The following GATAD2B variants were observed in gnomAD, a reference collection of about 807,000 sequenced individuals.
GATAD2B encodes the protein transcriptional repressor p66-beta.
In GATAD2B, 8 loss-of-function variants were observed where a neutral mutation model predicts 64.3. The ratio of observed to expected loss-of-function variants is 0.12; its 90% CI spans 0.07 to 0.22. The LOEUF (loss-of-function observed/expected upper bound fraction) is 0.22. Among genes scored for constraint, GATAD2B ranks in the 10% least tolerant of loss-of-function variants. The pLI, the probability that GATAD2B is intolerant of heterozygous loss-of-function variation, is 1.00. For synonymous variants in GATAD2B, 281 were observed against 271.3 expected (o/e 1.04, Z -0.35); for missense variants, 453 against 752.0 (o/e 0.60, Z 4.65).
At chr1:153,889,928 C>T (rs570237863) in intron 1 of GATAD2B, among the ~76,000 whole-genome samples, 2 of 152,074 alleles carry the variant, frequency 1.3e-5, no homozygotes, top group South Asian at 4.2e-4. Context: ...AATCTCAGCA[C>T]TTTGGGAGGC....
intron 1 of GATAD2B, among the ~76,000 whole-genome samples, chr1:153,881,033 C>T (rs570962304): frequency 6.6e-6 from 1 of 152,042 alleles, no homozygotes; most frequent in African/African-American, 2.4e-5. Flanking sequence ...AAGCCTCCCC[C>T]CTCCCTCTCC....
At chr1:153,877,013 C>T (rs1028662947) in intron 1 of GATAD2B, among the ~76,000 whole-genome samples, 1 of 151,628 alleles carries the variant, frequency 6.6e-6, no homozygotes, top group Non-Finnish European at 1.5e-5. Context: ...GAGACTCCGC[C>T]TCAAAAAAGA....
chr1:153,861,253 T>A (rs1018075246), intron 1 of GATAD2B, among the ~76,000 whole-genome samples: 1 of 151,892 alleles, frequency 6.6e-6, no homozygotes, highest in Non-Finnish European at 1.5e-5. Flanking sequence ...CAAGAACTTG[T>A]CAGAAAAGTA....
At chr1:153,812,179 T>A in intron 8 of GATAD2B, 47 bp from the exon 9 acceptor site, 6 of 937,906 alleles carry the variant, frequency 6.4e-6, no homozygotes, top group Non-Finnish European at 4.9e-6. Flanking sequence ...CAGCACCCAA[T>A]ACCCAATTTC....
intron 1 of GATAD2B, among the ~76,000 whole-genome samples, chr1:153,892,198 C>T (rs968768237): frequency 7.0e-6 from 1 of 143,116 alleles, no homozygotes; most frequent in Non-Finnish European, 1.5e-5. Flanking sequence ...AAAGACAAGA[C>T]AATTAGGGAC....
At chr1:153,915,383 A>G (rs1186578740) in intron 1 of GATAD2B, among the ~76,000 whole-genome samples, 1 of 152,182 alleles carries the variant, frequency 6.6e-6, no homozygotes, top group African/African-American at 2.4e-5. Flanking sequence ...AGACTGCACC[A>G]TTGCACTCCA....
chr1:153,820,515 T>C lies in GATAD2B; in HGVS notation c.336-780A>G, dbSNP rs528213206. Among the ~76,000 whole-genome samples the C allele has an allele frequency of 2.0e-5, 3 of 152,370 alleles. No individual in the cohort carries two copies. The South Asian group carries it at 6.2e-4, about 32-fold the overall frequency. ...TAACTGCCTCAGGTTCCCAAATCCG[T>C]GACTGTATCTTCTAATTCTCCTCTA... On this transcript the variant is annotated intron_variant, in intron 2 of 10. Coordinates refer to ENST00000368655, the MANE Select transcript of GATAD2B (RefSeq NM_020699.4).
chr1:153,904,533 A>G (rs542826028), intron 1 of GATAD2B, among the ~76,000 whole-genome samples: 8 of 152,230 alleles, frequency 5.3e-5, no homozygotes, highest in Non-Finnish European at 8.8e-5. Flanking sequence ...ATGGAGCAAC[A>G]TAATTTTTCT....
At chr1:153,922,389 A>C (rs1482340380) in intron 1 of GATAD2B, among the ~76,000 whole-genome samples, 2 of 146,072 alleles carry the variant, frequency 1.4e-5, no homozygotes, top group Non-Finnish European at 3.0e-5. Context: ...ACGGGGCGTG[A>C]GGGAGGGGAG....
chr1:153,816,366 G>A lies in GATAD2B; in HGVS notation c.1123C>T (p.Pro375Ser). The A allele has an allele frequency of 6.2e-7, 1 of 1,613,714 alleles. No individual in the cohort carries two copies. The change falls in exon 7 of 11, where the codon CCC (proline) becomes TCC (serine). Residue 375 changes from proline (P) to serine (S), a missense_variant. Physicochemically the swap from Pro to Ser is moderately conservative, Grantham distance 74 (BLOSUM62 -1). Coordinates refer to ENST00000368655, the MANE Select transcript of GATAD2B (RefSeq NM_020699.4). The surrounding 1 kb of genome is among the most constrained non-coding windows in gnomAD (Gnocchi z 4.9). ...LEIPPPKPPA[P>S]LLHFLPSAAN... ...GCACTAGGCAAGAAATGAAGTAAGG[G>A]AGCAGGAGGTTTAGGGGGTGGGATC...
At position 153,828,113 on chromosome 1, in the gene GATAD2B, G is replaced by T. The variant is rs552394199; in HGVS notation, c.235C>A (p.Leu79Ile). The T allele has an allele frequency of 6.2e-7, 1 of 1,614,118 alleles. No homozygotes were observed. Among genetic ancestry groups the T allele is most frequent in the South Asian group, 1.1e-5 (1 of 91,082 alleles). ...GSGVKGYEEK[L>I]NGNLRPHGDN... ...CCATGAGGCCTGAGATTCCCGTTAA[G>T]TTTTTCTTCATAGCCCTTGACACCA... Residue 79 changes from leucine (L) to isoleucine (I), a missense_variant, in exon 2 of 11, where the codon CTT becomes ATT. Leu to Ile is a conservative substitution (Grantham distance 5, BLOSUM62 2). Around this residue, in one of 2 missense-constraint regions of GATAD2B, gnomAD observed 293 missense variants for 417.2 expected, o/e 0.70. Coordinates refer to ENST00000368655, the MANE Select transcript of GATAD2B (RefSeq NM_020699.4).
At chr1:153,897,429 C>T (rs1287631148) in intron 1 of GATAD2B, among the ~76,000 whole-genome samples, 1 of 152,132 alleles carries the variant, frequency 6.6e-6, no homozygotes, top group African/African-American at 2.4e-5. Context: ...ACGATGAGAA[C>T]AGAATGATCT....
chr1:153,816,409 C>T lies in GATAD2B; in HGVS notation c.1080G>A (p.Leu360=). The part of the protein sequence containing the change: ...AAAKLALRKQ[L]EKTLLEIPPP... Reference sequence around the variant, plus strand: ...GTGGGATCTCCAGGAGTGTCTTTTCCAGCTGTTTGCGAAGAGCCAATTTGG... The same window carrying T: ...GTGGGATCTCCAGGAGTGTCTTTTCTAGCTGTTTGCGAAGAGCCAATTTGG... Residue 360 remains leucine (L), a synonymous_variant, in exon 7 of 11, where the codon CTG becomes CTA. Coordinates refer to ENST00000368655, the MANE Select transcript of GATAD2B (RefSeq NM_020699.4). This position sits in a 1 kb window ranked among gnomAD's most constrained non-coding sequence, Gnocchi z 4.9. 2 of 1,614,174 alleles carry T rather than the reference C, an allele frequency of 1.2e-6. No individual in the cohort carries two copies. Among genetic ancestry groups the T allele is most frequent in the Non-Finnish European group, 1.7e-6 (2 of 1,179,992 alleles).
intron 1 of GATAD2B, among the ~76,000 whole-genome samples, chr1:153,867,594 G>A (rs537967592): frequency 2.0e-4 from 31 of 151,726 alleles, no homozygotes; most frequent in African/African-American, 7.0e-4. Flanking sequence ...GGTGGCTCAC[G>A]TGAGCCTGTA....
intron 1 of GATAD2B, among the ~76,000 whole-genome samples, chr1:153,914,388 G>C (rs959659427): frequency 6.6e-6 from 1 of 152,136 alleles, no homozygotes; most frequent in African/African-American, 2.4e-5. Flanking sequence ...AGATAAAGCA[G>C]TTACTGATTC....
chr1:153,896,036 G>A (rs189531607), intron 1 of GATAD2B, among the ~76,000 whole-genome samples: 2 of 150,766 alleles, frequency 1.3e-5, no homozygotes, highest in Admixed American at 1.3e-4. Flanking sequence ...TGTGGCATGC[G>A]CCTGTAGTCC....
At chr1:153,869,433 TA>T (rs1676589525) in intron 1 of GATAD2B, among the ~76,000 whole-genome samples, 1 of 152,234 alleles carries the variant, frequency 6.6e-6, no homozygotes, top group African/African-American at 2.4e-5. Context: ...TATAGCAGCA[TA>T]AACTTATGGA....
At chr1:153,842,901 C>T (rs373666037) in intron 1 of GATAD2B, among the ~76,000 whole-genome samples, 10 of 150,964 alleles carry the variant, frequency 6.6e-5, no homozygotes, top group East Asian at 2.0e-4. Flanking sequence ...GTGATCTGCC[C>T]GCCTCGGCCT....
intron 1 of GATAD2B, among the ~76,000 whole-genome samples, chr1:153,860,616 C>T (rs866247470): frequency 6.6e-6 from 1 of 151,748 alleles, no homozygotes; most frequent in African/African-American, 2.4e-5. Flanking sequence ...ATTCCAGGCA[C>T]GACTCACTGC....
Sources: gnomAD v4.1 joint callset for allele counts (sites outside exome capture counted in the v4.1 genomes callset) on GRCh38, gnomAD v4.1.1 for gene constraint, gnomAD v4.1.1 regional missense constraint, Gnocchi (gnomAD v3.1) non-coding constraint, MANE v1.5 for transcripts, NCBI Gene and HGNC (gene_info 2026-07-23, HGNC 2026-07-21) for gene names.